SNX11: variants seen among roughly 807,000 people sequenced by gnomAD.
SNX11 encodes sorting nexin 11, also known as sorting nexin-11.
SNX11 carries 19 observed loss-of-function variants against 30.7 expected under a neutral mutation model. The observed-to-expected ratio is 0.62, with a 90% CI of 0.43 to 0.91. SNX11 has a LOEUF of 0.91. SNX11 is among the 40% of genes least tolerant of loss of function. SNX11 has a pLI of 0.00. For synonymous variants in SNX11, 112 were observed against 119.0 expected, an observed-to-expected ratio of 0.94 and a Z score of 0.38; for missense variants, 302 against 326.7, an observed-to-expected ratio of 0.92 and a Z score of 0.58.
chr17:48,108,818 G>A (rs987500788), intron 1 of SNX11, among the ~76,000 whole-genome samples: 1 of 152,238 alleles, frequency 6.6e-6, no homozygotes, highest in Non-Finnish European at 1.5e-5. Flanking sequence ...CTTCTCCAGA[G>A]GCAGAACTGA....
At chr17:48,112,510 G>A (rs927816185) in intron 2 of SNX11, 64 bp from the exon 3 acceptor site, 7 of 1,048,376 alleles carry the variant, frequency 6.7e-6, no homozygotes, top group African/African-American at 4.8e-5. Flanking sequence ...AAAATCTAGC[G>A]ACCTGTGTTG....
At chr17:48,109,164 C>T (rs1231530086) in intron 1 of SNX11, among the ~76,000 whole-genome samples, 1 of 150,972 alleles carries the variant, frequency 6.6e-6, no homozygotes, top group Admixed American at 6.6e-5. Context: ...AACTCCTGGC[C>T]TCAAGTGTTC....
At chr17:48,108,043 C>T (rs757122675) in intron 1 of SNX11, 1 of 152,212 alleles carries the variant, frequency 6.6e-6, no homozygotes, top group Non-Finnish European at 1.5e-5. Flanking sequence ...CAAAGTGTAT[C>T]TTTCACTTCC....
At chr17:48,115,069 T>C (rs1417440020) in intron 4 of SNX11, among the ~76,000 whole-genome samples, 7 of 148,284 alleles carry the variant, frequency 4.7e-5, no homozygotes, top group Non-Finnish European at 1.0e-4. Context: ...TTTTTCTTTT[T>C]TTTTTTTTTT....
intron 4 of SNX11, among the ~76,000 whole-genome samples, chr17:48,116,159 T>C (rs1042111776): frequency 6.6e-6 from 1 of 152,068 alleles, no homozygotes; most frequent in African/African-American, 2.4e-5. Flanking sequence ...CTCAGGAGGC[T>C]GAGGCAGAGA....
intron 4 of SNX11, 21 bp downstream of exon 4, chr17:48,113,422 T>C (rs775693261): frequency 1.9e-6 from 3 of 1,585,688 alleles, no homozygotes; most frequent in Non-Finnish European, 2.6e-6. Context: ...TCTTGCTTCC[T>C]TCTTGGGTCT....
Position 48,118,819 on chromosome 17 carries a change from G to C in SNX11, c.326+20G>C. ...TGAAAAGTGAGTGGACAGAACGGCT[G>C]GTGCTGGCCACCAAGGGTGGAGGCA... On this transcript the variant is annotated intron_variant, in intron 5 of 6. Transcript: ENST00000359238. 1.2e-6 allele frequency: 2 copies of C among 1,601,848 alleles called. No homozygotes were observed. Among genetic ancestry groups the C allele is most frequent in the East Asian group, 4.5e-5 (2 of 44,802 alleles).
Position 48,121,590 on chromosome 17 carries a change from T to G in SNX11, c.*82T>G. 5.3e-4 allele frequency: 781 copies of G among 1,460,614 alleles called. No homozygotes were observed. The highest frequency in any genetic ancestry group is 6.8e-4 in the Non-Finnish European group (720 of 1,066,568). 90.5% of individuals were successfully genotyped at this position (1,460,614 alleles called of 1,614,324 possible). On this transcript the variant is annotated 3_prime_UTR_variant, in exon 7 of 7. Coordinates refer to ENST00000359238, the MANE Select transcript of SNX11 (RefSeq NM_013323.3). Reference sequence around the variant, plus strand: ...GGTGGGACTGGGCACAGGGCAGGTATGTGGGAGGCTGGGCTGCTTAGTGTC... The same window carrying G: ...GGTGGGACTGGGCACAGGGCAGGTAGGTGGGAGGCTGGGCTGCTTAGTGTC...
chr17:48,111,770 A>G (rs918276912), intron 1 of SNX11, among the ~76,000 whole-genome samples: 1 of 152,092 alleles, frequency 6.6e-6, no homozygotes, highest in Non-Finnish European at 1.5e-5. Context: ...AACTTTCTGT[A>G]GACTCCAACA....
chr17:48,111,192 C>A, intron 1 of SNX11: 2 of 915,586 alleles, frequency 2.2e-6, no homozygotes, highest in Non-Finnish European at 2.6e-6. Context: ...CCCAACTGGG[C>A]AACCCACTCA....
In SNX11 at chr17:48,119,927, C is replaced by T. The variant is rs539750911; in HGVS notation, c.539+741C>T. Among the ~76,000 whole-genome samples the T allele has an allele frequency of 3.3e-5, 5 of 152,192 alleles. No individual in the cohort carries two copies. In the East Asian group the frequency reaches 9.7e-4, roughly 29 times the overall value. On this transcript the variant is annotated intron_variant, in intron 6 of 6. Coordinates refer to ENST00000359238, the MANE Select transcript of SNX11 (RefSeq NM_013323.3). ...GTAGTGACTCCCCTGTCCTTCCCTC[C>T]CCCCCAGCTCCTGGCAACCACTAGT...
At position 48,113,315 on chromosome 17, in the gene SNX11, C is replaced by T. The variant is rs776968212; in HGVS notation, c.144C>T (p.Ala48=). 1 of 1,613,500 alleles carries T rather than the reference C, an allele frequency of 6.2e-7. No homozygotes were observed. The highest frequency in any genetic ancestry group is 8.5e-7 in the Non-Finnish European group (1 of 1,179,622). The part of the protein sequence containing the change: ...YKIFLHTNSK[A]FTAKTSCVRR... ...TTCATGTATAGACCAACAGCAAAGC[C>T]TTTACTGCCAAGACTTCCTGTGTGC... The change falls in exon 4 of 7, where the codon GCC becomes GCT. Residue 48 remains alanine, a synonymous_variant. Transcript: ENST00000359238.
At chr17:48,118,680 G>A (rs757966405) in intron 4 of SNX11, 24 bp from the exon 5 acceptor site, 19 of 1,555,784 alleles carry the variant, frequency 1.2e-5, no homozygotes, top group Admixed American at 5.0e-5. Context: ...CTTATCATGG[G>A]TGTTATATCA....
chr17:48,121,512 C>G lies in SNX11; in HGVS notation c.*4C>G. On this transcript the variant is annotated 3_prime_UTR_variant, in exon 7 of 7. Coordinates refer to ENST00000359238, the MANE Select transcript of SNX11 (RefSeq NM_013323.3). ...AGAAACAGTTTTGGAAAAGTGAGCT[C>G]TGGGTTCTGCTCTGAGATGGTCAGA... The G allele has an allele frequency of 1.2e-6, 2 of 1,612,812 alleles. No homozygotes were observed. The highest frequency in any genetic ancestry group is 1.9e-4 in the Middle Eastern group (1 of 5,242).
At chr17:48,113,440 G>C (rs201964384) in intron 4 of SNX11, 39 bp downstream of exon 4, 1 of 1,476,426 alleles carries the variant, frequency 6.8e-7, no homozygotes, top group African/African-American at 1.4e-5. Context: ...TCTGTGACTG[G>C]CTTTTTGGGT....
intron 4 of SNX11, 180 bp downstream of exon 4, chr17:48,113,581 T>G (rs1191810450): frequency 2.1e-6 from 1 of 474,990 alleles, no homozygotes; most frequent in East Asian, 4.0e-5. Flanking sequence ...GGTCTTGCTT[T>G]GTTACAGAGG....
chr17:48,116,783 G>T (rs932747920), intron 4 of SNX11, among the ~76,000 whole-genome samples: 1 of 150,748 alleles, frequency 6.6e-6, no homozygotes, highest in Non-Finnish European at 1.5e-5. Flanking sequence ...GGTCAGGCTG[G>T]TCTCCAACTC....
chr17:48,111,731 G>C (rs978399900), intron 1 of SNX11, among the ~76,000 whole-genome samples: 1 of 151,960 alleles, frequency 6.6e-6, no homozygotes, highest in Non-Finnish European at 1.5e-5. Context: ...TTTTACATCT[G>C]GACCCGCCTG....
chr17:48,118,161 C>G (rs1401520868), intron 4 of SNX11, among the ~76,000 whole-genome samples: 2 of 152,202 alleles, frequency 1.3e-5, no homozygotes, highest in Non-Finnish European at 2.9e-5. Context: ...CTTCTCTGAT[C>G]TGAAGTGAGT....
Sources: gnomAD v4.1 joint callset for allele counts (sites outside exome capture counted in the v4.1 genomes callset) on GRCh38, gnomAD v4.1.1 for gene constraint, MANE v1.5 for transcripts, NCBI Gene and HGNC (gene_info 2026-07-23, HGNC 2026-07-21) for gene names.